The following EML1 variants were observed in gnomAD, a reference collection of about 807,000 sequenced individuals.
EML1 encodes EMAP like 1.
In EML1, 27 loss-of-function variants were observed where a neutral mutation model predicts 110.4. That is an observed-to-expected ratio of 0.24 (90% CI 0.18 to 0.34). EML1 has a LOEUF of 0.34. EML1 is among the 10% of genes least tolerant of loss of function. The pLI is 1.00. For synonymous variants in EML1, 344 were observed against 385.8 expected (o/e 0.89, Z 1.27); for missense variants, 741 against 1,030.9 (o/e 0.72, Z 3.85).
At chr14:99,872,160 A>T (rs1464625990) in intron 3 of EML1, among the ~76,000 whole-genome samples, 1 of 152,072 alleles carries the variant, frequency 6.6e-6, no homozygotes, top group Non-Finnish European at 1.5e-5. Flanking sequence ...TGTTAAGGGG[A>T]TGTCGGGGCC....
chr14:99,801,110 G>A (rs968712797), intron 1 of EML1, among the ~76,000 whole-genome samples: 12 of 152,240 alleles, frequency 7.9e-5, no homozygotes, highest in Admixed American at 5.2e-4. Flanking sequence ...GAGACCCACC[G>A]TCCTGGACTG....
At chr14:99,829,090 GC>G (rs1424358541) in intron 1 of EML1, among the ~76,000 whole-genome samples, 2 of 152,200 alleles carry the variant, frequency 1.3e-5, no homozygotes, top group Non-Finnish European at 2.9e-5. Flanking sequence ...GGAATCCCCT[GC>G]GGGTCTTGGA....
intron 1 of EML1, among the ~76,000 whole-genome samples, chr14:99,774,951 T>C (rs1044883856): frequency 2.6e-5 from 4 of 152,104 alleles, no homozygotes; most frequent in Non-Finnish European, 1.5e-5. Context: ...AAAAATGCAA[T>C]TTACTAATTA....
intron 2 of EML1, 39 bp downstream of exon 2, chr14:99,851,074 G>A (rs144240522): frequency 1.3e-6 from 2 of 1,582,600 alleles, no homozygotes; most frequent in African/African-American, 2.7e-5. Context: ...AGTAGAATTG[G>A]TCTCGTGGCA....
At chr14:99,933,627 A>G (rs963442898) in intron 17 of EML1, among the ~76,000 whole-genome samples, 3 of 152,246 alleles carry the variant, frequency 2.0e-5, no homozygotes, top group African/African-American at 7.2e-5. Flanking sequence ...AGCCAGTTTC[A>G]GGAAACCTGT....
intron 1 of EML1, among the ~76,000 whole-genome samples, chr14:99,757,344 A>C (rs1175995552): frequency 6.6e-6 from 1 of 152,154 alleles, no homozygotes; most frequent in Non-Finnish European, 1.5e-5. Context: ...ATTTCAAAAA[A>C]AAAAAAAAAA....
chr14:99,777,156 CAAAT>C lies in EML1; in HGVS notation c.-27+3152_-27+3155del, dbSNP rs376102952. Among the ~76,000 whole-genome samples, 30 of 151,896 alleles carry C rather than the reference CAAAT, an allele frequency of 2.0e-4. 1 individual carries two copies. The South Asian group carries it at 4.2e-3, about 21-fold the overall frequency. On this transcript the variant is annotated intron_variant, in intron 1 of 22. Transcript: ENST00000327921. ...AATGAATCAATGAACAAACTGAGAA[CAAAT>C]AAATAAATGGGAGCTCAAGAAGAAA... is the stretch of plus-strand genomic sequence containing the variant.
At chr14:99,834,451 G>A (rs1319418134) in intron 1 of EML1, among the ~76,000 whole-genome samples, 3 of 151,844 alleles carry the variant, frequency 2.0e-5, no homozygotes, top group East Asian at 1.9e-4. Flanking sequence ...ACAGGTGCAC[G>A]CCACCATGCC....
intron 10 of EML1, among the ~76,000 whole-genome samples, 185 bp downstream of exon 10, chr14:99,907,918 G>T (rs1010899596): frequency 5.9e-5 from 9 of 152,230 alleles, no homozygotes; most frequent in Non-Finnish European, 8.8e-5. Context: ...GGTCCTGTTA[G>T]GGTTTTTTCT....
At chr14:99,797,519 C>G (rs2057797552) in intron 1 of EML1, among the ~76,000 whole-genome samples, 1 of 152,142 alleles carries the variant, frequency 6.6e-6, no homozygotes, top group Non-Finnish European at 1.5e-5. Context: ...TTTTAGGAAC[C>G]AGTCTTAACT....
At chr14:99,770,779 A>ATTTTTTTTT (rs34744469), upstream of EML1, among the ~76,000 whole-genome samples, 43 of 91,632 alleles carry the variant, frequency 4.7e-4, 3 homozygotes, top group African/African-American at 1.4e-3. Flanking sequence ...GTTTCCGCTG[A>ATTTTTTTTT]TTTTTTTTTT....
chr14:99,911,284 G>A, intron 12 of EML1, 138 bp from the exon 13 acceptor site: 5 of 1,013,266 alleles, frequency 4.9e-6, no homozygotes, highest in South Asian at 2.1e-5. Context: ...CTAGAAATTG[G>A]ATCCTTCATA....
chr14:99,806,117 A>G lies in EML1; in HGVS notation c.67+12574A>G, dbSNP rs111759710. On this transcript the variant is annotated intron_variant, in intron 1 of 21. Coordinates refer to ENST00000262233, the MANE Select transcript of EML1 (RefSeq NM_004434.3). ...GTTTCAGAATGTTTTTTTGAAAACA[A>G]TAGTTTCATGAAGTTACAGAATCCT... Among the ~76,000 whole-genome samples, 433 of 152,254 alleles carry G rather than the reference A, an allele frequency of 2.8e-3. 2 individuals are homozygous for G. Among genetic ancestry groups the G allele is most frequent in the African/African-American group, 0.01 (421 of 41,538 alleles).
intron 1 of EML1, chr14:99,850,221 G>A: frequency 8.4e-7 from 1 of 1,186,692 alleles, no homozygotes; most frequent in Non-Finnish European, 1.1e-6. Context: ...GTGTTCTCTG[G>A]TTGGAGCACA....
chr14:99,923,491 A>G (rs1363410883), intron 17 of EML1, among the ~76,000 whole-genome samples: 1 of 58,386 alleles, frequency 1.7e-5, no homozygotes, highest in African/African-American at 4.3e-4. Context: ...GAGAAGGAAG[A>G]GCCTGTTTGC....
chr14:99,760,022 G>A (rs902194382), intron 1 of EML1, among the ~76,000 whole-genome samples: 9 of 129,318 alleles, frequency 7.0e-5, no homozygotes, highest in African/African-American at 1.4e-4. Context: ...CAGGAGAATC[G>A]CTTGAACCCG....
At chr14:99,780,819 G>A (rs2057531934) in intron 1 of EML1, among the ~76,000 whole-genome samples, 1 of 152,180 alleles carries the variant, frequency 6.6e-6, no homozygotes, top group Non-Finnish European at 1.5e-5. Context: ...TGCAGCCTAG[G>A]AGCAATGGGC....
chr14:99,868,881 T>A (rs1301309238), intron 3 of EML1, among the ~76,000 whole-genome samples: 2 of 152,202 alleles, frequency 1.3e-5, no homozygotes, highest in African/African-American at 4.8e-5. Flanking sequence ...TCTAGTTCCT[T>A]GAAGTATAAA....
At chr14:99,868,846 C>T (rs907564561) in intron 3 of EML1, among the ~76,000 whole-genome samples, 3 of 152,034 alleles carry the variant, frequency 2.0e-5, no homozygotes, top group Non-Finnish European at 4.4e-5. Flanking sequence ...CTTCGCTCTG[C>T]CAACTTTTGG....
Sources: gnomAD v4.1 joint callset for allele counts (sites outside exome capture counted in the v4.1 genomes callset) on GRCh38, gnomAD v4.1.1 for gene constraint, MANE v1.5 for transcripts, NCBI Gene and HGNC (gene_info 2026-07-23, HGNC 2026-07-21) for gene names.